The following C19orf44 variants were observed in gnomAD, a reference collection of about 807,000 sequenced individuals.
C19orf44 encodes uncharacterized protein C19orf44.
A neutral mutation model predicts 50.7 loss-of-function variants in C19orf44; 43 were observed. The observed-to-expected ratio is 0.85, with a 90% CI of 0.66 to 1.09. The LOEUF (loss-of-function observed/expected upper bound fraction) is 1.09. Ranked by LOEUF, C19orf44 falls within the 50% of genes least tolerant of loss-of-function variation. C19orf44 has a pLI of 0.00. For synonymous variants in C19orf44, 298 were observed against 334.7 expected, an observed-to-expected ratio of 0.89 and a Z score of 1.20; for missense variants, 722 against 836.2, an observed-to-expected ratio of 0.86 and a Z score of 1.68.
At chr19:16,514,413 A>C in intron 6 of C19orf44, 84 bp from the exon 7 acceptor site, 2 of 1,336,054 alleles carry the variant, frequency 1.5e-6, no homozygotes, top group Non-Finnish European at 2.0e-6. Flanking sequence ...TTCAGAGAGC[A>C]GCCTGGCACC....
intron 1 of C19orf44, chr19:16,499,671 C>CT (rs1184837052): frequency 5.9e-5 from 9 of 152,226 alleles, no homozygotes; most frequent in Admixed American, 1.3e-4. Context: ...TATGGGAACT[C>CT]TGAGAATATG....
At chr19:16,509,144 T>A (rs1381588176) in intron 4 of C19orf44, among the ~76,000 whole-genome samples, 1 of 151,576 alleles carries the variant, frequency 6.6e-6, no homozygotes, top group African/African-American at 2.4e-5. Context: ...TTTTTTTTTC[T>A]TATAGAGGTA....
Position 16,520,384 on chromosome 19 carries a change from G to A in C19orf44, c.*331G>A. On this transcript the variant is annotated 3_prime_UTR_variant, in exon 9 of 9. Transcript: ENST00000221671. This position sits in a 1 kb window ranked among gnomAD's most constrained non-coding sequence, Gnocchi z 4.0. ...CCTACCTAGATCTGGAGCGGGAGTA[G>A]GAACGGGAGCAGGAGCGCGACCTTG... The A allele has an allele frequency of 1.9e-6, 3 of 1,614,080 alleles. No individual in the cohort carries two copies. The highest frequency in any genetic ancestry group is 2.5e-6 in the Non-Finnish European group (3 of 1,179,994).
At position 16,513,064 on chromosome 19, in the gene C19orf44, C is replaced by T. The variant is rs1317097189; in HGVS notation, c.1690C>T (p.Pro564Ser). 2 of 1,613,730 alleles carry T rather than the reference C, an allele frequency of 1.2e-6. No homozygotes were observed. Among genetic ancestry groups the T allele is most frequent in the Admixed American group, 1.7e-5 (1 of 59,976 alleles). Residue 564 changes from proline (P) to serine (S), a missense_variant, in exon 6 of 9, where the codon CCG becomes TCG. Physicochemically the swap from Pro to Ser is moderately conservative, Grantham distance 74. Transcript: ENST00000221671. ...GPALGGAYVDPTPIANHVISA... is the reference protein window; with the variant it reads ...GPALGGAYVDSTPIANHVISA... ...TGCCCTGGGAGGCGCCTACGTGGACCCGACACCCATCGCCAATCATGTTAT... is the reference window on the plus strand; with the variant it reads ...TGCCCTGGGAGGCGCCTACGTGGACTCGACACCCATCGCCAATCATGTTAT...
rs772136839 is a variant in C19orf44, at chr19:16,501,585, ATTTAT to A, written c.759+37_759+41del. ...TTTTTTTTTTGGTAAATTTATTTTA[ATTTAT>A]TTAATTTAATTTTTTTTTTGAGATG... On this transcript the variant is annotated intron_variant, in intron 2 of 8. Transcript: ENST00000221671. 3 of 1,270,736 alleles carry A rather than the reference ATTTAT, an allele frequency of 2.4e-6. No homozygotes were observed. In the South Asian group the frequency reaches 8.2e-5, roughly 35 times the overall value. 78.7% of individuals were successfully genotyped at this position (1,270,736 alleles called of 1,614,324 possible). A position where few individuals can be genotyped will look rare whatever the true frequency, so the allele number is the denominator to read the frequency against.
In C19orf44 at chr19:16,501,365, G is replaced by A. The variant is rs1411087034; in HGVS notation, c.573G>A (p.Gly191=). 2.5e-6 allele frequency: 4 copies of A among 1,614,056 alleles called. No homozygotes were observed. Among genetic ancestry groups the A allele is most frequent in the Non-Finnish European group, 3.4e-6 (4 of 1,180,016 alleles). ...ACATATCCCCTGAAGCACCTGCTGG[G>A]AAAGAGAGGACTTTGCAAACCCCCA... is the stretch of plus-strand genomic sequence containing the variant. ...VENISPEAPA[G]KERTLQTPKQ... Residue 191 remains glycine (G), a synonymous_variant, in exon 2 of 9, where the codon GGG becomes GGA. Coordinates refer to ENST00000221671, the MANE Select transcript of C19orf44 (RefSeq NM_032207.4).
intron 5 of C19orf44, among the ~76,000 whole-genome samples, chr19:16,511,984 C>T (rs2093458433): frequency 1.4e-5 from 2 of 138,714 alleles, no homozygotes; most frequent in South Asian, 4.5e-4. Flanking sequence ...CATAGCACCC[C>T]AGCCTGGGCG....
Position 16,520,699 on chromosome 19 carries a change from GA to G in C19orf44, c.*650del. On this transcript the variant is annotated 3_prime_UTR_variant, in exon 9 of 9. Transcript: ENST00000221671. This position sits in a 1 kb window ranked among gnomAD's most constrained non-coding sequence, Gnocchi z 4.0. The stretch of plus-strand genomic sequence containing the variant: ...CTGCTGTGTGAATTCAGGCCTTGTG[GA>G]AAACACCGCCCCATAGGCACAGGCT... 1 of 1,183,332 alleles carries G rather than the reference GA, an allele frequency of 8.5e-7. No individual in the cohort carries two copies. The allele number at this position is 1,183,332 out of a possible 1,614,324, so 73.3% of individuals were successfully genotyped here. A position where few individuals can be genotyped will look rare whatever the true frequency, so the allele number is the denominator to read the frequency against.
At chr19:16,497,817 G>A (rs1027454959) in intron 1 of C19orf44, among the ~76,000 whole-genome samples, 3 of 152,146 alleles carry the variant, frequency 2.0e-5, no homozygotes, top group African/African-American at 7.2e-5. Flanking sequence ...TCTACTAGGA[G>A]TAATAAATAT....
intron 5 of C19orf44, among the ~76,000 whole-genome samples, chr19:16,511,127 C>T (rs1024364248): frequency 1.3e-5 from 2 of 151,928 alleles, no homozygotes; most frequent in Non-Finnish European, 2.9e-5. Flanking sequence ...ACCTCCACCT[C>T]CTGGGTTCAA....
chr19:16,520,033 G>A lies in C19orf44; in HGVS notation c.*41-61G>A, dbSNP rs913982485. ...AAGGGTGAGGGGTGCCACTGTCCCC[G>A]GGCTAATGCTGGCGGCCTCCTAACA... On this transcript the variant is annotated intron_variant, in intron 8 of 8. Coordinates refer to ENST00000221671, the MANE Select transcript of C19orf44 (RefSeq NM_032207.4). This position sits in a 1 kb window ranked among gnomAD's most constrained non-coding sequence, Gnocchi z 4.0. 14 of 1,093,138 alleles carry A rather than the reference G, an allele frequency of 1.3e-5. No homozygotes were observed. The highest frequency in any genetic ancestry group is 1.6e-5 in the Non-Finnish European group (12 of 738,168). The allele number at this position is 1,093,138 out of a possible 1,614,324, so 67.7% of individuals were successfully genotyped here. A position where few individuals can be genotyped will look rare whatever the true frequency, so the allele number is the denominator to read the frequency against.
At chr19:16,509,427 G>A (rs1251267532) in intron 4 of C19orf44, 72 bp from the exon 5 acceptor site, 36 of 1,513,650 alleles carry the variant, frequency 2.4e-5, no homozygotes, top group Non-Finnish European at 2.6e-5. Flanking sequence ...CCAGCTCCTA[G>A]GAGTGCAGTG....
chr19:16,496,480 T>C lies in C19orf44; in HGVS notation c.-2+15T>C, dbSNP rs1444730211. 1 of 335,834 alleles carries C rather than the reference T, an allele frequency of 3.0e-6. No homozygotes were observed. The allele number at this position is 335,834 out of a possible 1,614,324, so 20.8% of individuals were successfully genotyped here. Reference sequence around the variant, plus strand: ...CGTGGGAAGAGGTCGGCAGGGCTGGTGGGGAGGTGACCTAGCTGGGCGTCC... The same window carrying C: ...CGTGGGAAGAGGTCGGCAGGGCTGGCGGGGAGGTGACCTAGCTGGGCGTCC... On this transcript the variant is annotated intron_variant, in intron 1 of 8. Coordinates refer to ENST00000221671, the MANE Select transcript of C19orf44 (RefSeq NM_032207.4).
intron 7 of C19orf44, 86 bp from the exon 8 acceptor site, chr19:16,517,144 C>T (rs1222880022): frequency 5.0e-5 from 64 of 1,269,042 alleles, no homozygotes; most frequent in Non-Finnish European, 7.1e-5. Context: ...GGGACAGGTG[C>T]TGGCTCCACT....
chr19:16,499,655 G>T (rs1599727106), intron 1 of C19orf44: 1 of 152,084 alleles, frequency 6.6e-6, no homozygotes, highest in South Asian at 2.1e-4. Flanking sequence ...TACTCTTTCA[G>T]GGGTATATGG....
In C19orf44 at chr19:16,519,731, G is replaced by A. The variant is rs762223340; in HGVS notation, c.*41-363G>A. 5 of 1,600,240 alleles carry A rather than the reference G, an allele frequency of 3.1e-6. No homozygotes were observed. The highest frequency in any genetic ancestry group is 2.2e-5 in the East Asian group (1 of 44,832). ...AGCAGAGGAACTAAAATCGAGACAG[G>A]TTATTCTTTTTAAGAAGTAACTGAG... On this transcript the variant is annotated intron_variant, in intron 8 of 8. Transcript: ENST00000221671. The surrounding 1 kb of genome is among the most constrained non-coding windows in gnomAD (Gnocchi z 6.0).
At chr19:16,506,628 G>T (rs2093441366) in intron 3 of C19orf44, 73 bp from the exon 4 acceptor site, 2 of 1,003,610 alleles carry the variant, frequency 2.0e-6, no homozygotes, top group Admixed American at 3.2e-5. Flanking sequence ...AAAGAAATTT[G>T]GAAGGTTTGT....
At chr19:16,504,749 G>A (rs1049378404) in intron 3 of C19orf44, among the ~76,000 whole-genome samples, 22 of 151,158 alleles carry the variant, frequency 1.5e-4, no homozygotes, top group Admixed American at 1.4e-3. Flanking sequence ...ATAGGCGCAC[G>A]CCACCATGCC....
Position 16,509,959 on chromosome 19 carries a change from A to T in C19orf44, c.1610A>T (p.Asp537Val). The change falls in exon 5 of 9, where the codon GAT becomes GTT. Residue 537 changes from aspartate to valine, a missense_variant. Coordinates refer to ENST00000221671, the MANE Select transcript of C19orf44 (RefSeq NM_032207.4). Reference sequence around the variant, plus strand: ...AAGGACACAGCTGTGCAGACGCCAGATCCTGCCTTCACCTACGAGTGGACC... The same window carrying T: ...AAGGACACAGCTGTGCAGACGCCAGTTCCTGCCTTCACCTACGAGTGGACC... The part of the protein sequence containing the change: ...LVKDTAVQTP[D>V]PAFTYEWTKV... The T allele has an allele frequency of 1.2e-6, 2 of 1,614,230 alleles. No homozygotes were observed. The highest frequency in any genetic ancestry group is 1.7e-6 in the Non-Finnish European group (2 of 1,180,038).
Sources: gnomAD v4.1 joint callset for allele counts (sites outside exome capture counted in the v4.1 genomes callset) on GRCh38, gnomAD v4.1.1 for gene constraint, Gnocchi (gnomAD v3.1) non-coding constraint, MANE v1.5 for transcripts, NCBI Gene and HGNC (gene_info 2026-07-23, HGNC 2026-07-21) for gene names.